Variants in GTF3C3 observed in about 807,000 individuals in gnomAD.
GTF3C3 encodes the protein general transcription factor IIIC subunit 3.
GTF3C3 carries 75 observed loss-of-function variants against 105.2 expected under a neutral mutation model. That is an observed-to-expected ratio of 0.71 (90% CI 0.59 to 0.86). The LOEUF (loss-of-function observed/expected upper bound fraction) is 0.86. Ranked by LOEUF, GTF3C3 falls within the 40% of genes least tolerant of loss-of-function variation. The probability of loss-of-function intolerance (pLI) is 0.00; values close to 1 mark genes in which losing one functional copy is unlikely to be tolerated. For missense variants in GTF3C3, 856 were observed against 1,076.5 expected (o/e 0.80, Z 2.87); for synonymous variants, 335 against 370.4 (o/e 0.90, Z 1.10).
chr2:196,789,432 C>A, intron 5 of GTF3C3, 63 bp from the exon 6 acceptor site: 1 of 1,130,212 alleles, frequency 8.8e-7, no homozygotes, highest in Non-Finnish European at 1.2e-6. Context: ...TGGGTGTGAT[C>A]CATCATCTCA....
At position 196,764,257 on chromosome 2, in the gene GTF3C3, G is replaced by T. The variant is rs1393743917; in HGVS notation, c.*306C>A. 1 of 203,982 alleles carries T rather than the reference G, an allele frequency of 4.9e-6. No homozygotes were observed. Among genetic ancestry groups the T allele is most frequent in the Non-Finnish European group, 1.0e-5 (1 of 100,204 alleles). The allele number at this position is 203,982 out of a possible 1,614,324, so 12.6% of individuals were successfully genotyped here. A position where few individuals can be genotyped will look rare whatever the true frequency, so the allele number is the denominator to read the frequency against. On this transcript the variant is annotated 3_prime_UTR_variant, in exon 18 of 18. Coordinates refer to ENST00000263956, the MANE Select transcript of GTF3C3 (RefSeq NM_012086.5). ...TATTAAATACAAAGATGAATAAATG[G>T]TGTGAGTGAAAAATAGTGTATTCGA... is the stretch of plus-strand genomic sequence containing the variant.
intron 14 of GTF3C3, among the ~76,000 whole-genome samples, chr2:196,772,611 CCTT>C (rs1298176595): frequency 6.6e-6 from 1 of 152,060 alleles, no homozygotes; most frequent in Non-Finnish European, 1.5e-5. Context: ...CATAACAACT[CCTT>C]TAACCTTCAT....
intron 2 of GTF3C3, among the ~76,000 whole-genome samples, chr2:196,794,237 T>C (rs1699599296): frequency 6.6e-6 from 1 of 152,172 alleles, no homozygotes; most frequent in South Asian, 2.1e-4. Context: ...TGCCTGGGAC[T>C]TCTCAGCCTC....
At chr2:196,764,716 T>C in intron 17 of GTF3C3, 31 bp from the exon 18 acceptor site, 1 of 1,582,138 alleles carries the variant, frequency 6.3e-7, no homozygotes. Flanking sequence ...TTATGTTTAA[T>C]ATTTCCAACT....
rs1284766887 is a variant in GTF3C3 at position 196,775,257 on chromosome 2, TTAAAGA to T, written c.1696-12_1696-7del. The stretch of plus-strand genomic sequence containing the variant: ...TGGGCTCGATTCATTGCTACCTGAA[TTAAAGA>T]TGAAGATTTCAGATTCTTTAAACAA... On this transcript the variant is annotated splice_polypyrimidine_tract_variant and splice_region_variant and intron_variant, in intron 12 of 17. Coordinates refer to ENST00000263956, the MANE Select transcript of GTF3C3 (RefSeq NM_012086.5). The T allele has an allele frequency of 1.3e-6, 2 of 1,593,456 alleles. No individual in the cohort carries two copies. The highest frequency in any genetic ancestry group is 8.5e-7 in the Non-Finnish European group (1 of 1,172,746).
intron 7 of GTF3C3, 36 bp from the exon 8 acceptor site, chr2:196,784,965 T>C (rs753606400): frequency 7.2e-7 from 1 of 1,383,206 alleles, no homozygotes; most frequent in East Asian, 2.3e-5. Context: ...AAATAAAATA[T>C]GTGTGAAAAA....
At chr2:196,774,261 T>TA (rs1699225247) in intron 13 of GTF3C3, among the ~76,000 whole-genome samples, 1 of 152,144 alleles carries the variant, frequency 6.6e-6, no homozygotes. Context: ...CTTACTACAT[T>TA]ACTGCTTATA....
chr2:196,792,988 C>A lies in GTF3C3; in HGVS notation c.379G>T (p.Val127Phe), dbSNP rs1243371042. Residue 127 changes from valine (V) to phenylalanine (F), a missense_variant, in exon 3 of 18, where the codon GTT (valine) becomes TTT (phenylalanine). Transcript: ENST00000263956. Reference protein sequence around the residue: ...TAGDVFVLEMVLNRETKKMMK... With the variant: ...TAGDVFVLEMFLNRETKKMMK... ...ATTTTCTTGGTTTCACGATTGAGAA[C>A]CATCTCCAATACAAATACATCGCCC... 1 of 1,613,148 alleles carries A rather than the reference C, an allele frequency of 6.2e-7. No homozygotes were observed. Among genetic ancestry groups the A allele is most frequent in the African/African-American group, 1.3e-5 (1 of 74,854 alleles).
At chr2:196,792,811 G>C in intron 3 of GTF3C3, 145 bp downstream of exon 3, 1 of 648,910 alleles carries the variant, frequency 1.5e-6, no homozygotes, top group Non-Finnish European at 2.7e-6. Flanking sequence ...TATCTAATAG[G>C]AAACATAATA....
At position 196,774,391 on chromosome 2, in the gene GTF3C3, T is replaced by C. The variant is rs954064038; in HGVS notation, c.1831+725A>G. ...CTATGAAGAGAACAGAGCAACATGA[T>C]AAAATGTCTATGAGAAAATGTAAAG... On this transcript the variant is annotated intron_variant, in intron 13 of 17. Transcript: ENST00000263956. Among the ~76,000 whole-genome samples, 7 of 152,172 alleles carry C rather than the reference T, an allele frequency of 4.6e-5. No homozygotes were observed. The East Asian group carries it at 1.3e-3, about 29-fold the overall frequency.
intron 15 of GTF3C3, among the ~76,000 whole-genome samples, chr2:196,770,277 G>C (rs1355888694): frequency 6.6e-6 from 1 of 152,156 alleles, no homozygotes; most frequent in East Asian, 1.9e-4. Context: ...ACTTTTTCTA[G>C]GCACAGCTAG....
chr2:196,765,926 C>T (rs531601999), intron 17 of GTF3C3, among the ~76,000 whole-genome samples: 23 of 144,964 alleles, frequency 1.6e-4, no homozygotes, highest in South Asian at 4.5e-4. Flanking sequence ...AGGAGAATGG[C>T]GTGAACCCGG....
At chr2:196,782,682 C>A (rs1699386924) in intron 8 of GTF3C3, among the ~76,000 whole-genome samples, 1 of 151,928 alleles carries the variant, frequency 6.6e-6, no homozygotes, top group African/African-American at 2.4e-5. Flanking sequence ...TTCAGACCAA[C>A]TATATTTAAA....
At position 196,785,582 on chromosome 2, in the gene GTF3C3, G is replaced by A; in HGVS notation, c.900C>T (p.Tyr300=). 1 of 1,595,214 alleles carries A rather than the reference G, an allele frequency of 6.3e-7. No individual in the cohort carries two copies. Among genetic ancestry groups the A allele is most frequent in the Non-Finnish European group, 8.6e-7 (1 of 1,168,498 alleles). The change falls in exon 7 of 18, where the codon TAC becomes TAT. Residue 300 remains tyrosine, a synonymous_variant. Coordinates refer to ENST00000263956, the MANE Select transcript of GTF3C3 (RefSeq NM_012086.5). ...MQLARDMAKS[Y]YEANDVTSAI... ...CAGAAGTAACATCATTGGCTTCATA[G>A]TAACTCCTAAAAAAAAGTGGCAAAA... is the stretch of plus-strand genomic sequence containing the variant.
chr2:196,780,589 A>C lies in GTF3C3; in HGVS notation c.1188T>G (p.Leu396=). Residue 396 remains leucine, a synonymous_variant, in exon 9 of 18, where the codon CTT becomes CTG. Transcript: ENST00000263956. ...GTGGTTCAAGAATGTTGAGATGTAC[A>C]AGGCAGACCATCAACTTCACTGTGA... is the stretch of plus-strand genomic sequence containing the variant. ...IDITVKLMVC[L]VHLNILEPLN... The C allele has an allele frequency of 6.2e-7, 1 of 1,613,658 alleles. No homozygotes were observed. The highest frequency in any genetic ancestry group is 8.5e-7 in the Non-Finnish European group (1 of 1,179,692).
At chr2:196,785,745 G>GA (rs1699443943) in intron 6 of GTF3C3, among the ~76,000 whole-genome samples, 157 bp from the exon 7 acceptor site, 1 of 152,030 alleles carries the variant, frequency 6.6e-6, no homozygotes, top group African/African-American at 2.4e-5. Flanking sequence ...AACTGATCCA[G>GA]AAAAAATGTG....
In GTF3C3 at chr2:196,780,602, A is replaced by G; in HGVS notation, c.1175T>C (p.Leu392Ser). The G allele has an allele frequency of 6.2e-7, 1 of 1,613,684 alleles. No homozygotes were observed. The highest frequency in any genetic ancestry group is 1.1e-5 in the South Asian group (1 of 91,038). ...DGVPIDITVK[L>S]MVCLVHLNIL... ...GTTGAGATGTACAAGGCAGACCATC[A>G]ACTTCACTGTGATATCTATTGGCAC... Residue 392 changes from leucine (L) to serine (S), a missense_variant, in exon 9 of 18, where the codon TTG becomes TCG. Leu to Ser is a moderately radical substitution (Grantham distance 145). Coordinates refer to ENST00000263956, the MANE Select transcript of GTF3C3 (RefSeq NM_012086.5).
At chr2:196,787,330 A>G (rs143397530) in intron 6 of GTF3C3, among the ~76,000 whole-genome samples, 207 of 152,262 alleles carry the variant, frequency 1.4e-3, no homozygotes, top group Non-Finnish European at 2.2e-3. Flanking sequence ...CTTAAAATTT[A>G]AGTCAGACCA....
At chr2:196,782,253 C>T in intron 8 of GTF3C3, among the ~76,000 whole-genome samples, 1 of 152,172 alleles carries the variant, frequency 6.6e-6, no homozygotes, top group Middle Eastern at 3.2e-3. Context: ...GGGCCCTCAC[C>T]AGACACCAAA....
Sources: allele counts gnomAD v4.1 joint callset (sites outside exome capture counted in the v4.1 genomes callset), GRCh38; gene constraint gnomAD v4.1.1; transcripts MANE v1.5; gene names NCBI Gene and HGNC (gene_info 2026-07-23, HGNC 2026-07-21).